The following SH2D2A variants were observed in gnomAD, a reference collection of about 807,000 sequenced individuals.
SH2D2A encodes SH2 domain containing 2A.
A neutral mutation model predicts 43.6 loss-of-function variants in SH2D2A; 33 were observed. That is an observed-to-expected ratio of 0.76 (90% CI 0.57 to 1.01). The LOEUF (loss-of-function observed/expected upper bound fraction) is 1.01. SH2D2A is among the 50% of genes least tolerant of loss of function. The pLI, the probability that SH2D2A is intolerant of heterozygous loss-of-function variation, is 0.00. For synonymous variants in SH2D2A, 212 were observed against 206.1 expected, an observed-to-expected ratio of 1.03 and a Z score of -0.25; for missense variants, 491 against 503.1, an observed-to-expected ratio of 0.98 and a Z score of 0.23.
chr1:156,809,816 AAAG>A lies in SH2D2A; in HGVS notation c.568-12_568-10del, dbSNP rs755280033. On this transcript the variant is annotated splice_polypyrimidine_tract_variant and intron_variant, in intron 5 of 8. Transcript: ENST00000368199. The surrounding 1 kb of genome is among the most constrained non-coding windows in gnomAD (Gnocchi z 4.8). Reference sequence around the variant, plus strand: ...CCTGCAGGCTCAGGAGTCTGCTGGGAAAGAAGGAGGTCTGAGGCACTCGGTGGA... The same window carrying A: ...CCTGCAGGCTCAGGAGTCTGCTGGGAAAGGAGGTCTGAGGCACTCGGTGGA... 170 of 1,613,290 alleles carry A rather than the reference AAAG, an allele frequency of 1.1e-4. No individual in the cohort carries two copies. The highest frequency in any genetic ancestry group is 1.4e-4 in the Non-Finnish European group (167 of 1,179,786).
rs1653019902 is a variant in SH2D2A, at chr1:156,807,107, T to A, written c.*3+68A>T. The A allele has an allele frequency of 2.2e-6, 3 of 1,347,224 alleles. No individual in the cohort carries two copies. Among genetic ancestry groups the A allele is most frequent in the African/African-American group, 1.4e-5 (1 of 69,684 alleles). The allele number at this position is 1,347,224 out of a possible 1,614,324, so 83.5% of individuals were successfully genotyped here. A position where few individuals can be genotyped will look rare whatever the true frequency, so the allele number is the denominator to read the frequency against. ...TATTCCATCCACATTTCTTGAGAAGTGTGCCAGGTGTGTGTGAAGGTCTCT... is the reference window on the plus strand; with the variant it reads ...TATTCCATCCACATTTCTTGAGAAGAGTGCCAGGTGTGTGTGAAGGTCTCT... On this transcript the variant is annotated intron_variant, in intron 8 of 8. Transcript: ENST00000368199. The surrounding 1 kb of genome is among the most constrained non-coding windows in gnomAD (Gnocchi z 5.1).
At chr1:156,814,166 C>A (rs780332245) in intron 4 of SH2D2A, 39 bp downstream of exon 4, 44 of 1,611,390 alleles carry the variant, frequency 2.7e-5, no homozygotes, top group Non-Finnish European at 3.7e-5. Context: ...CCTCCCGAGC[C>A]CCGCCTTGTG....
rs751962100 is a variant in SH2D2A, at chr1:156,814,074, G to A, written c.399-58C>T. On this transcript the variant is annotated intron_variant, in intron 4 of 8. Transcript: ENST00000368199. ...CCGCTCCTCGGCCAGGGTCACCAGC[G>A]AGAGGCGTGATCCCCACCTTCAGCA... 1.8e-4 allele frequency: 262 copies of A among 1,490,646 alleles called. 1 individual carries two copies. Among genetic ancestry groups the A allele is most frequent in the Non-Finnish European group, 2.2e-4 (244 of 1,119,150 alleles). 92.3% of individuals were successfully genotyped at this position (1,490,646 alleles called of 1,614,324 possible).
rs959909083 is a variant in SH2D2A at position 156,806,914 on chromosome 1, T to C, written c.*3+261A>G. ...CGTGGCAGACATCACTAATCAATCA[T>C]GTGCTTTTTTTCTGCTGAGTTCAGA... On this transcript the variant is annotated intron_variant, in intron 8 of 8. Coordinates refer to ENST00000368199, the MANE Select transcript of SH2D2A (RefSeq NM_003975.4). Among the ~76,000 whole-genome samples, 24 of 152,316 alleles carry C rather than the reference T, an allele frequency of 1.6e-4. No individual in the cohort carries two copies. In the Middle Eastern group the frequency reaches 0.017, roughly 108 times the overall value.
At position 156,807,674 on chromosome 1, in the gene SH2D2A, G is replaced by C. The variant is rs921812694; in HGVS notation, c.1003-329C>G. 5.3e-5 allele frequency among the ~76,000 whole-genome samples: 8 copies of C among 152,226 alleles called. No homozygotes were observed. Among genetic ancestry groups the C allele is most frequent in the Non-Finnish European group, 4.4e-5 (3 of 68,038 alleles). On this transcript the variant is annotated intron_variant, in intron 7 of 8. Transcript: ENST00000368199. This position sits in a 1 kb window ranked among gnomAD's most constrained non-coding sequence, Gnocchi z 5.1. Reference sequence around the variant, plus strand: ...TGGCAGGTGTGTGTAAGGCACAGGGGGTGGCCTCTGAGAAGGGAAAGCTGG... The same window carrying C: ...TGGCAGGTGTGTGTAAGGCACAGGGCGTGGCCTCTGAGAAGGGAAAGCTGG...
At chr1:156,815,551 T>C in intron 2 of SH2D2A, 1 of 606,696 alleles carries the variant, frequency 1.6e-6, no homozygotes, top group South Asian at 2.0e-5. Flanking sequence ...GCCTGGAGGA[T>C]GAAGAAACAT....
rs983369727 is a variant in SH2D2A, at chr1:156,813,970, C to T, written c.445G>A (p.Gly149Arg). The T allele has an allele frequency of 3.3e-6, 5 of 1,528,536 alleles. No homozygotes were observed. In the South Asian group the frequency reaches 3.6e-5, roughly 11 times the overall value. The allele number at this position is 1,528,536 out of a possible 1,614,324, so 94.7% of individuals were successfully genotyped here. Residue 149 changes from glycine (G) to arginine (R), a missense_variant, in exon 5 of 9, where the codon GGG (glycine) becomes AGG (arginine). Gly to Arg is a moderately radical substitution (Grantham distance 125, BLOSUM62 -2). Transcript: ENST00000368199. ...RHFLLAQLRD[G>R]RHVVLGEDSA... ...TCCTCGCCCAGCACCACGTGGCGCC[C>T]GTCCCTGAGCTGGGCCAGCAGGAAG...
intron 2 of SH2D2A, 28 bp downstream of exon 2, chr1:156,815,978 C>T (rs759998500): frequency 3.0e-5 from 49 of 1,610,944 alleles, no homozygotes; most frequent in Non-Finnish European, 3.8e-5. Context: ...GGAGCTGCAC[C>T]ACGCTGCCGC....
chr1:156,815,336 AG>A, intron 2 of SH2D2A, 115 bp from the exon 3 acceptor site: 1 of 803,636 alleles, frequency 1.2e-6, no homozygotes, highest in Non-Finnish European at 1.9e-6. Context: ...TGTCTATTTT[AG>A]GGTACAATTG....
At chr1:156,810,464 C>T (rs192934114) in intron 5 of SH2D2A, among the ~76,000 whole-genome samples, 5 of 152,218 alleles carry the variant, frequency 3.3e-5, no homozygotes, top group Non-Finnish European at 7.4e-5. Context: ...GGACCAATCT[C>T]CATGACAGCT....
At chr1:156,813,795 AG>A in intron 5 of SH2D2A, 52 bp downstream of exon 5, 1 of 1,345,010 alleles carries the variant, frequency 7.4e-7, no homozygotes, top group Admixed American at 3.5e-5. Context: ...TCTGAGCGGG[AG>A]GGGCGCTGGC....
At position 156,807,563 on chromosome 1, in the gene SH2D2A, CCCTT is replaced by C. The variant is rs1653059967; in HGVS notation, c.1003-222_1003-219del. Among the ~76,000 whole-genome samples, 1 of 152,202 alleles carries C rather than the reference CCCTT, an allele frequency of 6.6e-6. No homozygotes were observed. The highest frequency in any genetic ancestry group is 2.1e-4 in the South Asian group (1 of 4,832). ...AACAGATGGGTAAGTCCCAGCCCCT[CCCTT>C]CAGGGAACTCACACTCTAAACTAGG... is the stretch of plus-strand genomic sequence containing the variant. On this transcript the variant is annotated intron_variant, in intron 7 of 8. Transcript: ENST00000368199. The surrounding 1 kb of genome is among the most constrained non-coding windows in gnomAD (Gnocchi z 5.1).
rs1305420095 is a variant in SH2D2A, at chr1:156,813,105, G to A, written c.567+743C>T. 2.0e-5 allele frequency among the ~76,000 whole-genome samples: 3 copies of A among 152,132 alleles called. No homozygotes were observed. The South Asian group carries it at 6.2e-4, about 32-fold the overall frequency. ...ATCCATCTGTCTGTCTTGTTCATGG[G>A]TCTGTTCTCAGGGCCTGCCAGCAGT... On this transcript the variant is annotated intron_variant, in intron 5 of 8. Transcript: ENST00000368199.
Position 156,809,684 on chromosome 1 carries a change from T to C in SH2D2A, c.691A>G (p.Lys231Glu), listed in dbSNP as rs772300055. Residue 231 changes from lysine (K) to glutamate (E), a missense_variant, in exon 6 of 9, where the codon AAA becomes GAA. By Grantham distance (56) the Lys-to-Glu change is moderately conservative (BLOSUM62 1). Coordinates refer to ENST00000368199, the MANE Select transcript of SH2D2A (RefSeq NM_003975.4). This position sits in a 1 kb window ranked among gnomAD's most constrained non-coding sequence, Gnocchi z 4.8. ...ACCTCCTTCTCCCCGGCCCCCTCTTTCTGCATCGGGACTGGGGCTTGCCCC... is the reference window on the plus strand; with the variant it reads ...ACCTCCTTCTCCCCGGCCCCCTCTTCCTGCATCGGGACTGGGGCTTGCCCC... ...KQGQAPVPMQ[K>E]EGAGEKEPSQ... The C allele has an allele frequency of 5.6e-6, 9 of 1,611,938 alleles. No homozygotes were observed. The highest frequency in any genetic ancestry group is 4.0e-5 in the African/African-American group (3 of 74,852).
intron 5 of SH2D2A, among the ~76,000 whole-genome samples, chr1:156,813,618 T>C (rs1653577373): frequency 6.6e-6 from 1 of 152,210 alleles, no homozygotes; most frequent in African/African-American, 2.4e-5. Context: ...CTTGCCCCTC[T>C]GACTCCGTGT....
chr1:156,815,986 C>T lies in SH2D2A; in HGVS notation c.123+20G>A, dbSNP rs149790796. 1.9e-6 allele frequency: 3 copies of T among 1,611,968 alleles called. No homozygotes were observed. The highest frequency in any genetic ancestry group is 1.3e-5 in the African/African-American group (1 of 74,948). On this transcript the variant is annotated intron_variant, in intron 2 of 8. Coordinates refer to ENST00000368199, the MANE Select transcript of SH2D2A (RefSeq NM_003975.4). ...AGATGAGGGAGCTGCACCACGCTGC[C>T]GCCCCAGGTTTCCACTCACCGCAGT...
In SH2D2A at chr1:156,807,997, C is replaced by A. The variant is rs1277640656; in HGVS notation, c.1003-652G>T. On this transcript the variant is annotated intron_variant, in intron 7 of 8. Coordinates refer to ENST00000368199, the MANE Select transcript of SH2D2A (RefSeq NM_003975.4). The surrounding 1 kb of genome is among the most constrained non-coding windows in gnomAD (Gnocchi z 5.1). ...AGTGGCAAGAATGGTGGTTAGGAAA[C>A]CAGTTAAGAAGCTCTTGGGAGCCAG... is the stretch of plus-strand genomic sequence containing the variant. Among the ~76,000 whole-genome samples the A allele has an allele frequency of 1.3e-5, 2 of 152,066 alleles. No individual in the cohort carries two copies. The highest frequency in any genetic ancestry group is 4.8e-5 in the African/African-American group (2 of 41,382).
At position 156,807,434 on chromosome 1, in the gene SH2D2A, A is replaced by G; in HGVS notation, c.1003-89T>C. Reference sequence around the variant, plus strand: ...GTCTCAAGACATCTGATCTGAACAGACTTTGGCTTCCAGAGAGGGTATCTA... The same window carrying G: ...GTCTCAAGACATCTGATCTGAACAGGCTTTGGCTTCCAGAGAGGGTATCTA... On this transcript the variant is annotated intron_variant, in intron 7 of 8. Transcript: ENST00000368199. The surrounding 1 kb of genome is among the most constrained non-coding windows in gnomAD (Gnocchi z 5.1). 1 of 1,186,690 alleles carries G rather than the reference A, an allele frequency of 8.4e-7. No individual in the cohort carries two copies. The allele number at this position is 1,186,690 out of a possible 1,614,324, so 73.5% of individuals were successfully genotyped here.
chr1:156,811,509 C>G (rs574143111), intron 5 of SH2D2A, among the ~76,000 whole-genome samples: 1 of 152,156 alleles, frequency 6.6e-6, no homozygotes, highest in Non-Finnish European at 1.5e-5. Flanking sequence ...TCCTCACCCC[C>G]AGACTTCCCT....
Sources: allele counts gnomAD v4.1 joint callset (sites outside exome capture counted in the v4.1 genomes callset), GRCh38; gene constraint gnomAD v4.1.1; non-coding constraint Gnocchi (gnomAD v3.1); transcripts MANE v1.5; gene names NCBI Gene and HGNC (gene_info 2026-07-23, HGNC 2026-07-21).